Variants in PCCB observed in about 807,000 individuals in gnomAD.
PCCB encodes the protein propionyl-CoA carboxylase subunit beta, also known as propionyl-CoA carboxylase beta chain, mitochondrial.
In PCCB, 43 loss-of-function variants were observed where a neutral mutation model predicts 60.7. The observed-to-expected ratio is 0.71, with a 90% CI of 0.55 to 0.91. The LOEUF is 0.91. Among genes scored for constraint, PCCB ranks in the 40% least tolerant of loss-of-function variants. The pLI, the probability that PCCB is intolerant of heterozygous loss-of-function variation, is 0.00. For missense variants in PCCB, 766 were observed against 702.8 expected (o/e 1.09, Z -1.02); for synonymous variants, 276 against 255.9 (o/e 1.08, Z -0.75).
At chr3:136,268,084 G>GTGTAGATA (rs1560002278) in intron 5 of PCCB, among the ~76,000 whole-genome samples, 6 of 60,952 alleles carry the variant, frequency 9.8e-5, no homozygotes, top group Middle Eastern at 6.9e-3. Flanking sequence ...GTGTGTGTGT[G>GTGTAGATA]TAGATATATA....
In PCCB at chr3:136,255,876, G is replaced by C; in HGVS notation, c.204G>C (p.Glu68Asp). The change falls in exon 2 of 15, where the codon GAG becomes GAC. Residue 68 changes from glutamate (E) to aspartate (D), a missense_variant. Physicochemically the swap from Glu to Asp is conservative, Grantham distance 45. Coordinates refer to ENST00000251654, the MANE Select transcript of PCCB (RefSeq NM_000532.5). ...QHKRGKLTAR[E>D]RISLLLDPGS... is the part of the protein sequence containing the mutation. ...TGTAGGGAAAGCTAACAGCCAGGGA[G>C]AGGATCAGTCTCTTGCTGGACCCTG... The C allele has an allele frequency of 6.2e-7, 1 of 1,613,928 alleles. No individual in the cohort carries two copies. Among genetic ancestry groups the C allele is most frequent in the Non-Finnish European group, 8.5e-7 (1 of 1,179,890 alleles).
At chr3:136,309,553 A>G (rs1307352939) in intron 9 of PCCB, among the ~76,000 whole-genome samples, 1 of 152,028 alleles carries the variant, frequency 6.6e-6, no homozygotes, top group Non-Finnish European at 1.5e-5. Context: ...TAATCCCAGC[A>G]CTTTGGGAGG....
intron 5 of PCCB, among the ~76,000 whole-genome samples, chr3:136,271,457 G>A (rs1005783852): frequency 2.6e-5 from 4 of 151,994 alleles, no homozygotes; most frequent in Non-Finnish European, 4.4e-5. Flanking sequence ...CCATATGATC[G>A]TTTTCACAAT....
chr3:136,272,279 T>G (rs528725775), intron 5 of PCCB, among the ~76,000 whole-genome samples: 284 of 152,290 alleles, frequency 1.9e-3, no homozygotes, highest in African/African-American at 6.6e-3. Context: ...TTGTTGAGGA[T>G]TTTTGCATCC....
chr3:136,255,297 G>GT, intron 1 of PCCB: 3 of 170,050 alleles, frequency 1.8e-5, no homozygotes, highest in Admixed American at 5.6e-5. Flanking sequence ...GTCAGGTGTG[G>GT]GGTCCCTAAA....
Position 136,297,936 on chromosome 3 carries a change from C to T in PCCB, c.764-16C>T, listed in dbSNP as rs1283740415. 6.2e-7 allele frequency: 1 copy of T among 1,614,030 alleles called. No individual in the cohort carries two copies. Among genetic ancestry groups the T allele is most frequent in the Non-Finnish European group, 8.5e-7 (1 of 1,179,914 alleles). On this transcript the variant is annotated splice_polypyrimidine_tract_variant and intron_variant, in intron 7 of 14. Coordinates refer to ENST00000251654, the MANE Select transcript of PCCB (RefSeq NM_000532.5). ...TGGTACCCTGACTCAATCATATATGCTCCCTGTTCTCTTAGGTGTGGCCCA... is the reference window on the plus strand; with the variant it reads ...TGGTACCCTGACTCAATCATATATGTTCCCTGTTCTCTTAGGTGTGGCCCA...
intron 3 of PCCB, among the ~76,000 whole-genome samples, chr3:136,259,707 ACTT>A (rs113548143): frequency 7.2e-5 from 11 of 152,214 alleles, no homozygotes; most frequent in East Asian, 1.9e-4. Flanking sequence ...TATAAATCAG[ACTT>A]CTTTTCTAAT....
intron 10 of PCCB, among the ~76,000 whole-genome samples, chr3:136,317,709 G>A (rs1400692586): frequency 6.6e-6 from 1 of 152,152 alleles, no homozygotes; most frequent in African/African-American, 2.4e-5. Context: ...TGAGGGCAGG[G>A]GTGGTGATGT....
intron 6 of PCCB, among the ~76,000 whole-genome samples, chr3:136,288,109 T>C (rs910592950): frequency 6.6e-6 from 1 of 152,236 alleles, no homozygotes; most frequent in African/African-American, 2.4e-5. Context: ...TCAATTTGCA[T>C]TAGTCCATGA....
intron 1 of PCCB, among the ~76,000 whole-genome samples, chr3:136,254,126 G>T (rs912636479): frequency 1.3e-5 from 2 of 151,846 alleles, no homozygotes; most frequent in Non-Finnish European, 2.9e-5. Context: ...GAGGTATGTG[G>T]TTTTTTTTGT....
chr3:136,313,442 A>G (rs1254933913), intron 9 of PCCB, among the ~76,000 whole-genome samples: 3 of 152,230 alleles, frequency 2.0e-5, no homozygotes, highest in Non-Finnish European at 4.4e-5. Flanking sequence ...AGTGATTCCC[A>G]GGACATATTA....
chr3:136,316,377 A>T (rs1934895502), intron 9 of PCCB, among the ~76,000 whole-genome samples: 1 of 152,084 alleles, frequency 6.6e-6, no homozygotes, highest in Admixed American at 6.6e-5. Context: ...GTGCAGTGGC[A>T]TAATCTTGGC....
chr3:136,299,504 G>A (rs781192044), intron 8 of PCCB, among the ~76,000 whole-genome samples: 5 of 149,420 alleles, frequency 3.3e-5, no homozygotes, highest in African/African-American at 7.6e-5. Context: ...GCATGTGTAT[G>A]TATAGGTATG....
chr3:136,323,958 C>G (rs548098407), intron 10 of PCCB, among the ~76,000 whole-genome samples: 2 of 148,288 alleles, frequency 1.3e-5, no homozygotes, highest in African/African-American at 4.9e-5. Context: ...TGTGGTAACG[C>G]TGGCAGTCAA....
At chr3:136,261,805 C>T (rs571369325) in intron 4 of PCCB, 147 bp from the exon 5 acceptor site, 530 of 671,808 alleles carry the variant, frequency 7.9e-4, no homozygotes, top group Non-Finnish European at 1.3e-3. Context: ...GGTACCCAAT[C>T]GTGATGGGGA....
rs530463841 is a variant in PCCB at position 136,277,165 on chromosome 3, A to G, written c.544-6672A>G. On this transcript the variant is annotated intron_variant, in intron 5 of 14. Coordinates refer to ENST00000251654, the MANE Select transcript of PCCB (RefSeq NM_000532.5). ...AGGTTCCTTGGTTACAGAAAGCCTT[A>G]GTGTGCTGGCTTTCTCGAATGCTGG... Among the ~76,000 whole-genome samples the G allele has an allele frequency of 1.7e-3, 252 of 152,290 alleles. 1 individual carries two copies. The highest frequency in any genetic ancestry group is 5.1e-3 in the African/African-American group (211 of 41,568).
intron 5 of PCCB, among the ~76,000 whole-genome samples, chr3:136,265,983 G>A (rs1487577578): frequency 6.6e-6 from 1 of 151,716 alleles, no homozygotes; most frequent in East Asian, 1.9e-4. Context: ...CTGCCATCAC[G>A]CCCGGCTAAT....
At chr3:136,256,141 C>T in intron 2 of PCCB, 166 bp downstream of exon 2, 1 of 990,280 alleles carries the variant, frequency 1.0e-6, no homozygotes, top group South Asian at 1.6e-5. Flanking sequence ...TGGGCTTTCG[C>T]CATGTTGGTC....
intron 2 of PCCB, 185 bp downstream of exon 2, chr3:136,256,160 C>CTCA: frequency 2.4e-6 from 2 of 824,712 alleles, no homozygotes; most frequent in South Asian, 3.5e-5. Context: ...TCAGGCTGGC[C>CTCA]TTGAACTCCT....
Sources: allele counts gnomAD v4.1 joint callset (sites outside exome capture counted in the v4.1 genomes callset), GRCh38; gene constraint gnomAD v4.1.1; transcripts MANE v1.5; gene names NCBI Gene and HGNC (gene_info 2026-07-23, HGNC 2026-07-21).